The following TMEM178B variants were observed in gnomAD, a reference collection of about 807,000 sequenced individuals.
The protein encoded by TMEM178B is transmembrane protein 178B.
A neutral mutation model predicts 31.0 loss-of-function variants in TMEM178B; 5 were observed. That is an observed-to-expected ratio of 0.16 (90% CI 0.08 to 0.34). TMEM178B has a LOEUF of 0.34. TMEM178B is among the 10% of genes least tolerant of loss of function. The probability of loss-of-function intolerance (pLI) is 1.00; values close to 1 mark genes in which losing one functional copy is unlikely to be tolerated. For synonymous variants in TMEM178B, 164 were observed against 164.0 expected, an observed-to-expected ratio of 1.00 and a Z score of 0.00; for missense variants, 275 against 400.3, an observed-to-expected ratio of 0.69 and a Z score of 2.67.
intron 3 of TMEM178B, among the ~76,000 whole-genome samples, chr7:141,453,920 TA>T (rs10701376): frequency 3.0e-4 from 44 of 147,700 alleles, no homozygotes; most frequent in African/African-American, 7.0e-4. Context: ...CCCTTTTATC[TA>T]AAAAAAAAAA....
intron 1 of TMEM178B, among the ~76,000 whole-genome samples, chr7:141,129,998 C>G (rs1209624408): frequency 2.0e-5 from 3 of 152,168 alleles, no homozygotes; most frequent in Non-Finnish European, 1.5e-5. Context: ...TTTCAAGTCT[C>G]ATAGTGGCTG....
intron 2 of TMEM178B, among the ~76,000 whole-genome samples, chr7:141,431,461 C>A (rs1203053127): frequency 6.6e-6 from 1 of 152,164 alleles, no homozygotes; most frequent in African/African-American, 2.4e-5. Flanking sequence ...CCCTCATTAT[C>A]AACCTCCCTC....
intron 2 of TMEM178B, among the ~76,000 whole-genome samples, chr7:141,226,225 G>C (rs1338183525): frequency 6.6e-6 from 1 of 152,130 alleles, no homozygotes; most frequent in Non-Finnish European, 1.5e-5. Flanking sequence ...CCTCTTGGGG[G>C]GAGGGTGTGA....
chr7:141,092,771 T>C (rs763089006), intron 1 of TMEM178B, among the ~76,000 whole-genome samples: 2 of 151,856 alleles, frequency 1.3e-5, no homozygotes, highest in South Asian at 2.1e-4. Flanking sequence ...GGAAAAGGGA[T>C]AGGAAGTGTG....
Position 141,473,955 on chromosome 7 carries a change from A to G in TMEM178B, c.*3169A>G, listed in dbSNP as rs1802306623. The G allele has an allele frequency of 6.6e-6, 1 of 152,208 alleles. No individual in the cohort carries two copies. The highest frequency in any genetic ancestry group is 1.5e-5 in the Non-Finnish European group (1 of 68,106). The allele number at this position is 152,208 out of a possible 1,614,324, so 9.4% of individuals were successfully genotyped here. On this transcript the variant is annotated 3_prime_UTR_variant, in exon 4 of 4. Transcript: ENST00000565468. ...GGGAGATGAGGAGGAGGAAGAGAGG[A>G]GCCTTGACTTGTGAGGCTCTGTAGG...
chr7:141,089,806 A>C (rs1255279220), intron 1 of TMEM178B, among the ~76,000 whole-genome samples: 1 of 152,144 alleles, frequency 6.6e-6, no homozygotes, highest in African/African-American at 2.4e-5. Context: ...TGGGAATTGA[A>C]CAGTGAGAAC....
At chr7:141,481,510 G>A (rs1220635871), downstream of TMEM178B, among the ~76,000 whole-genome samples, 6 of 152,160 alleles carry the variant, frequency 3.9e-5, no homozygotes, top group Non-Finnish European at 2.9e-5. Flanking sequence ...GATTAGTGTC[G>A]TGGCTAGTAG....
chr7:141,374,623 C>T (rs149840486), intron 2 of TMEM178B, among the ~76,000 whole-genome samples: 76 of 152,328 alleles, frequency 5.0e-4, no homozygotes, highest in African/African-American at 1.8e-3. Flanking sequence ...TCTGCGAAAC[C>T]GCCTCTTCCC....
At chr7:141,160,528 G>A (rs1351270225) in intron 1 of TMEM178B, among the ~76,000 whole-genome samples, 1 of 152,120 alleles carries the variant, frequency 6.6e-6, no homozygotes, top group Non-Finnish European at 1.5e-5. Flanking sequence ...GATGGATCAC[G>A]TTGCTCTCTG....
At chr7:141,247,789 T>G (rs1797762510) in intron 2 of TMEM178B, among the ~76,000 whole-genome samples, 1 of 152,210 alleles carries the variant, frequency 6.6e-6, no homozygotes, top group South Asian at 2.1e-4. Context: ...CCAAATTTTT[T>G]GTGTATGTTC....
chr7:141,431,281 G>A (rs1445497707), intron 2 of TMEM178B: 1 of 152,020 alleles, frequency 6.6e-6, no homozygotes, highest in South Asian at 2.1e-4. Context: ...TCTCTAAGTG[G>A]TGTTTATTTA....
At chr7:141,138,876 C>T (rs571809816) in intron 1 of TMEM178B, among the ~76,000 whole-genome samples, 294 of 151,422 alleles carry the variant, frequency 1.9e-3, no homozygotes, top group Non-Finnish European at 2.8e-3. Flanking sequence ...CCCAGCTACT[C>T]GGGAGGCTGA....
intron 2 of TMEM178B, among the ~76,000 whole-genome samples, chr7:141,399,030 T>C (rs112504954): frequency 1.3e-5 from 2 of 152,266 alleles, no homozygotes; most frequent in Admixed American, 6.5e-5. Flanking sequence ...GCTCTGAATA[T>C]GCGGACAGCA....
chr7:141,149,609 A>C (rs1387095696), intron 1 of TMEM178B, among the ~76,000 whole-genome samples: 2 of 152,220 alleles, frequency 1.3e-5, no homozygotes, highest in Non-Finnish European at 2.9e-5. Flanking sequence ...CTGGATTAGC[A>C]TGGGCCTAAC....
At chr7:141,099,014 G>A (rs1424864507) in intron 1 of TMEM178B, among the ~76,000 whole-genome samples, 1 of 152,136 alleles carries the variant, frequency 6.6e-6, no homozygotes, top group Non-Finnish European at 1.5e-5. Flanking sequence ...TAGAGAAACC[G>A]AAAACAAAAG....
chr7:141,223,476 A>G (rs1026665037), intron 2 of TMEM178B, among the ~76,000 whole-genome samples: 8 of 105,704 alleles, frequency 7.6e-5, no homozygotes, highest in Admixed American at 6.7e-4. Flanking sequence ...TGCTGTTTTC[A>G]CTCTTTTTTT....
At chr7:141,250,789 G>A (rs563076395) in intron 2 of TMEM178B, among the ~76,000 whole-genome samples, 7 of 152,144 alleles carry the variant, frequency 4.6e-5, no homozygotes, top group Non-Finnish European at 8.8e-5. Flanking sequence ...TCCAAGTGGA[G>A]CCCTGGCCAG....
intron 2 of TMEM178B, among the ~76,000 whole-genome samples, chr7:141,284,683 A>C (rs1798415813): frequency 6.6e-6 from 1 of 152,218 alleles, no homozygotes; most frequent in African/African-American, 2.4e-5. Context: ...AGGATGGAAC[A>C]ATACAAGGCA....
chr7:141,090,531 A>G (rs1008058743), intron 1 of TMEM178B, among the ~76,000 whole-genome samples: 2 of 152,230 alleles, frequency 1.3e-5, no homozygotes, highest in Non-Finnish European at 2.9e-5. Context: ...TCAGATAATG[A>G]GAACAGACTG....
Sources: gnomAD v4.1 joint callset for allele counts (sites outside exome capture counted in the v4.1 genomes callset) on GRCh38, gnomAD v4.1.1 for gene constraint, MANE v1.5 for transcripts, NCBI Gene and HGNC (gene_info 2026-07-23, HGNC 2026-07-21) for gene names.